MYH7B: variants seen among roughly 807,000 people sequenced by gnomAD.
MYH7B encodes the protein myosin-7B.
Under a neutral mutation model 234.5 loss-of-function variants are expected in MYH7B, and 205 were observed. That is an observed-to-expected ratio of 0.87 (90% confidence interval 0.78 to 0.98). The LOEUF is 0.98. Among genes scored for constraint, MYH7B ranks in the 50% least tolerant of loss-of-function variants. The pLI is 0.00. For missense variants in MYH7B, 2,652 were observed against 2,633.4 expected, an observed-to-expected ratio of 1.01 and a Z score of -0.15; for synonymous variants, 1,193 against 1,105.0, an observed-to-expected ratio of 1.08 and a Z score of -1.58.
chr20:34,979,969 A>T, intron 7 of MYH7B, 165 bp downstream of exon 7: 3 of 442,064 alleles, frequency 6.8e-6, no homozygotes, highest in Non-Finnish European at 1.1e-5. Context: ...GCTGTGAGCG[A>T]TGAGGCGGGG....
chr20:34,974,488 T>A (rs1008920489), intron 2 of MYH7B, among the ~76,000 whole-genome samples: 1 of 152,166 alleles, frequency 6.6e-6, no homozygotes, highest in Non-Finnish European at 1.5e-5. Flanking sequence ...AGATGCACCC[T>A]GGGTGGTGGA....
At chr20:34,992,021 C>G (rs1030695639) in intron 24 of MYH7B, among the ~76,000 whole-genome samples, 1 of 152,154 alleles carries the variant, frequency 6.6e-6, no homozygotes, top group Non-Finnish European at 1.5e-5. Flanking sequence ...CCACCTGACC[C>G]ACACAGCCCT....
intron 5 of MYH7B, among the ~76,000 whole-genome samples, chr20:34,978,619 TC>T (rs1226792001): frequency 6.6e-6 from 1 of 152,122 alleles, no homozygotes; most frequent in African/African-American, 2.4e-5. Flanking sequence ...TTTCCATGCA[TC>T]ATCTCAACAA....
At chr20:34,981,151 A>G in intron 9 of MYH7B, 91 bp downstream of exon 9, 1 of 1,546,710 alleles carries the variant, frequency 6.5e-7, no homozygotes, top group Non-Finnish European at 8.9e-7. Flanking sequence ...GATTGAATCC[A>G]AAGTGCTTAG....
At chr20:34,997,257 G>A in exon 32 of MYH7B, 2 of 1,558,370 alleles carry the variant, frequency 1.3e-6, no homozygotes, top group Non-Finnish European at 1.7e-6. Flanking sequence ...CCAGGCTCGG[G>A]CGGAGGAGCT....
intron 9 of MYH7B, chr20:34,981,906 G>A (rs1193964783): frequency 2.0e-5 from 3 of 149,538 alleles, no homozygotes; most frequent in African/African-American, 5.0e-5. Context: ...AGACGGGCCC[G>A]GCTGAGTGTG....
At chr20:34,978,524 A>G (rs1318125612) in intron 5 of MYH7B, among the ~76,000 whole-genome samples, 1 of 152,160 alleles carries the variant, frequency 6.6e-6, no homozygotes, top group Non-Finnish European at 1.5e-5. Flanking sequence ...TGTACTATTT[A>G]TGACCTGGTT....
chr20:34,973,321 G>C (rs1444618731), intron 2 of MYH7B, among the ~76,000 whole-genome samples: 1 of 152,178 alleles, frequency 6.6e-6, no homozygotes, highest in African/African-American at 2.4e-5. Flanking sequence ...TGTCTTCCTT[G>C]AGTATCTTTC....
intron 2 of MYH7B, among the ~76,000 whole-genome samples, chr20:34,972,368 C>T (rs1001818313): frequency 3.3e-5 from 5 of 151,864 alleles, no homozygotes; most frequent in South Asian, 2.1e-4. Flanking sequence ...AAGGGCTTCC[C>T]GCCTCACCGG....
chr20:34,993,591 G>C, intron 26 of MYH7B, 121 bp downstream of exon 26: 2 of 1,190,362 alleles, frequency 1.7e-6, no homozygotes, highest in Admixed American at 5.9e-5. Context: ...TGGCTGGTTG[G>C]GGCAAGGTTC....
chr20:34,985,469 T>G (rs2082003611), intron 13 of MYH7B, among the ~76,000 whole-genome samples: 1 of 152,036 alleles, frequency 6.6e-6, no homozygotes, highest in African/African-American at 2.4e-5. Context: ...GTGTCCCCAG[T>G]CTTCTCTCTG....
At chr20:34,984,096 T>A (rs1161313706) in intron 10 of MYH7B, among the ~76,000 whole-genome samples, 1 of 152,176 alleles carries the variant, frequency 6.6e-6, no homozygotes, top group Non-Finnish European at 1.5e-5. Context: ...CTTGAGCAGA[T>A]CCACTCCCTG....
At chr20:34,984,976 G>A (rs2081994407) in intron 12 of MYH7B, 30 bp downstream of exon 12, 2 of 1,609,346 alleles carry the variant, frequency 1.2e-6, no homozygotes, top group Middle Eastern at 1.7e-4. Context: ...GGGGTGGCGG[G>A]GATGCCGTAG....
rs1330457237 is a variant in MYH7B at position 34,962,425 on chromosome 20, C to T, written c.-222+4213C>T. On this transcript the variant is annotated intron_variant, in intron 2 of 44. Transcript: ENST00000262873. ...TCCAATTTTTACATCCTCACCAATA[C>T]AGTTATCCCTCTGTATCTGTGGGGA... 2.6e-5 allele frequency among the ~76,000 whole-genome samples: 4 copies of T among 152,132 alleles called. No homozygotes were observed. The East Asian group carries it at 7.7e-4, about 29-fold the overall frequency.
Position 34,997,186 on chromosome 20 carries a change from C to A in MYH7B, c.3357+13C>A. On this transcript the variant is annotated intron_variant, in intron 31 of 44. Transcript: ENST00000262873. ...CAAGGAGCTGCAGGTGCGTGGGGAT[C>A]GGGTGGGTGAGGCCTGGGGTCAGAG... 6.4e-7 allele frequency: 1 copy of A among 1,550,450 alleles called. No individual in the cohort carries two copies. The highest frequency in any genetic ancestry group is 8.7e-7 in the Non-Finnish European group (1 of 1,147,418).
intron 2 of MYH7B, 109 bp from the exon 3 acceptor site, chr20:34,975,291 G>T: frequency 2.2e-6 from 1 of 455,846 alleles, no homozygotes. Flanking sequence ...TGTAACCTCT[G>T]CCTCCTGGGT....
exon 44 of MYH7B, chr20:35,002,018 G>A (rs1024742525): frequency 9.3e-6 from 15 of 1,614,038 alleles, no homozygotes; most frequent in East Asian, 4.5e-5. Context: ...GCGGAGGAGC[G>A]GGCAGACATG....
chr20:34,961,283 T>C (rs2081695305), intron 2 of MYH7B, among the ~76,000 whole-genome samples: 1 of 152,206 alleles, frequency 6.6e-6, no homozygotes, highest in Admixed American at 6.5e-5. Flanking sequence ...TGATGCCCAG[T>C]AAATACTTTT....
chr20:35,001,331 C>T (rs751649723), exon 42 of MYH7B: 6 of 1,610,528 alleles, frequency 3.7e-6, no homozygotes, highest in Admixed American at 3.4e-5. Context: ...AGCGCCGTGT[C>T]AAGGAGCTCG....
Sources: gnomAD v4.1 joint callset for allele counts (sites outside exome capture counted in the v4.1 genomes callset) on GRCh38, gnomAD v4.1.1 for gene constraint, MANE v1.5 for transcripts, NCBI Gene and HGNC (gene_info 2026-07-23, HGNC 2026-07-21) for gene names.